ANKRD31: variants seen among roughly 807,000 people sequenced by gnomAD.
The protein encoded by ANKRD31 is ankyrin repeat domain-containing protein 31.
A neutral mutation model predicts 186.0 loss-of-function variants in ANKRD31; 147 were observed. That is an observed-to-expected ratio of 0.79 (90% confidence interval 0.69 to 0.91). ANKRD31 has a LOEUF of 0.91. Ranked by LOEUF, ANKRD31 falls within the 40% of genes least tolerant of loss-of-function variation. ANKRD31 has a pLI of 0.00. For missense variants in ANKRD31, 1,986 were observed against 2,148.8 expected, an observed-to-expected ratio of 0.92 and a Z score of 1.50; for synonymous variants, 673 against 736.4, an observed-to-expected ratio of 0.91 and a Z score of 1.39.
intron 1 of ANKRD31, among the ~76,000 whole-genome samples, chr5:75,235,621 CTT>C (rs888145876): frequency 6.6e-6 from 1 of 152,186 alleles, no homozygotes; most frequent in African/African-American, 2.4e-5. Context: ...CTTTATGTTG[CTT>C]TCTCTCTCAC....
At chr5:75,179,932 G>T (rs1401825724) in intron 10 of ANKRD31, among the ~76,000 whole-genome samples, 1 of 152,148 alleles carries the variant, frequency 6.6e-6, no homozygotes, top group Non-Finnish European at 1.5e-5. Context: ...AGGAAAAGAA[G>T]AAGTCAAATT....
At chr5:75,151,353 G>C (rs936341342) in intron 12 of ANKRD31, among the ~76,000 whole-genome samples, 1 of 151,928 alleles carries the variant, frequency 6.6e-6, no homozygotes, top group African/African-American at 2.4e-5. Context: ...ATCTTGAATT[G>C]TATCTCCCAT....
chr5:75,211,835 T>A (rs967523398), intron 3 of ANKRD31, among the ~76,000 whole-genome samples: 1 of 152,144 alleles, frequency 6.6e-6, no homozygotes, highest in Admixed American at 6.5e-5. Context: ...TTTAATTCAG[T>A]TGTTTTTTTT....
intron 15 of ANKRD31, among the ~76,000 whole-genome samples, chr5:75,142,590 T>G (rs1238641209): frequency 6.6e-6 from 1 of 152,166 alleles, no homozygotes; most frequent in Non-Finnish European, 1.5e-5. Flanking sequence ...TAGTTTACTT[T>G]GATATCTTTC....
chr5:75,137,379 T>C (rs999143949), intron 17 of ANKRD31, among the ~76,000 whole-genome samples: 2 of 152,122 alleles, frequency 1.3e-5, no homozygotes, highest in Non-Finnish European at 1.5e-5. Context: ...TAATCTTTTC[T>C]TGTGATATTT....
rs951448696 is a variant in ANKRD31, at chr5:75,236,572, A to C, written c.104+11T>G. ...CGAGGGTTCAGGCACTGTGGCCCTA[A>C]TGATGGTCACCTTCTCCAGGGCAGC... On this transcript the variant is annotated intron_variant, in intron 1 of 25. Transcript: ENST00000506364. 1 of 1,536,066 alleles carries C rather than the reference A, an allele frequency of 6.5e-7. No homozygotes were observed. Among genetic ancestry groups the C allele is most frequent in the Non-Finnish European group, 8.7e-7 (1 of 1,146,304 alleles).
rs1274069739 is a variant in ANKRD31 at position 75,110,640 on chromosome 5, C to T, written c.4243+1873G>A. Among the ~76,000 whole-genome samples, 6 of 150,104 alleles carry T rather than the reference C, an allele frequency of 4.0e-5. No homozygotes were observed. In the East Asian group the frequency reaches 8.0e-4, roughly 20 times the overall value. ...AGAAGAATGGCTTGAACCTGGGAGG[C>T]GGAGGTTCCAGTGAGCTGAGATCAC... is the stretch of plus-strand genomic sequence containing the variant. On this transcript the variant is annotated intron_variant, in intron 20 of 25. Transcript: ENST00000506364.
chr5:75,177,134 C>T (rs555973297), intron 10 of ANKRD31, among the ~76,000 whole-genome samples: 3 of 151,768 alleles, frequency 2.0e-5, no homozygotes, highest in South Asian at 2.1e-4. Flanking sequence ...AGGGTATCAG[C>T]GATGGAAGAC....
At chr5:75,163,782 T>A (rs1752734842) in intron 11 of ANKRD31, among the ~76,000 whole-genome samples, 2 of 152,238 alleles carry the variant, frequency 1.3e-5, no homozygotes, top group African/African-American at 4.8e-5. Context: ...GGGCAAGCTT[T>A]AAGTAGAAGT....
At chr5:75,132,989 C>T (rs944858381) in intron 17 of ANKRD31, among the ~76,000 whole-genome samples, 1 of 152,164 alleles carries the variant, frequency 6.6e-6, no homozygotes, top group African/African-American at 2.4e-5. Context: ...ATCAGGCCTG[C>T]CTTACAAGAG....
At chr5:75,076,621 T>G (rs1182238983) in intron 25 of ANKRD31, among the ~76,000 whole-genome samples, 1 of 152,178 alleles carries the variant, frequency 6.6e-6, no homozygotes, top group Non-Finnish European at 1.5e-5. Flanking sequence ...TAACTGGTGA[T>G]TAACTAAATC....
chr5:75,163,090 C>T (rs1833722), intron 11 of ANKRD31, among the ~76,000 whole-genome samples: 16,160 of 151,964 alleles, frequency 0.11, 882 homozygotes, highest in East Asian at 0.14. Flanking sequence ...AAACTACTAA[C>T]GATGTTTATT....
chr5:75,134,610 T>C, intron 17 of ANKRD31, among the ~76,000 whole-genome samples: 1 of 152,148 alleles, frequency 6.6e-6, no homozygotes, highest in Non-Finnish European at 1.5e-5. Context: ...TACCATTCCT[T>C]CTGAAACTAT....
At chr5:75,234,582 T>C (rs1388054576) in intron 1 of ANKRD31, among the ~76,000 whole-genome samples, 1 of 152,254 alleles carries the variant, frequency 6.6e-6, no homozygotes, top group East Asian at 1.9e-4. Context: ...TCCCCTCAAA[T>C]ATAAGCTTTC....
At chr5:75,145,923 A>G in intron 14 of ANKRD31, 64 bp downstream of exon 14, 1 of 1,308,958 alleles carries the variant, frequency 7.6e-7, no homozygotes, top group Non-Finnish European at 1.0e-6. Flanking sequence ...ATTCAGTTGG[A>G]AATTTCTATA....
chr5:75,217,603 G>C (rs1230821730), intron 3 of ANKRD31, among the ~76,000 whole-genome samples: 8 of 152,004 alleles, frequency 5.3e-5, no homozygotes, highest in Non-Finnish European at 8.8e-5. Context: ...TTTTCTATTT[G>C]CTTGGTGGAT....
chr5:75,156,660 G>C (rs1752201099), intron 11 of ANKRD31, among the ~76,000 whole-genome samples: 1 of 152,168 alleles, frequency 6.6e-6, no homozygotes, highest in African/African-American at 2.4e-5. Context: ...GCATCCTTAA[G>C]AAAGAGGCTG....
intron 10 of ANKRD31, among the ~76,000 whole-genome samples, chr5:75,181,836 TAACA>T (rs1229399796): frequency 1.3e-5 from 2 of 150,770 alleles, no homozygotes; most frequent in Non-Finnish European, 2.9e-5. Context: ...TATACATATG[TAACA>T]AACCTGCACA....
intron 25 of ANKRD31, among the ~76,000 whole-genome samples, chr5:75,071,728 C>T (rs1292414716): frequency 2.0e-5 from 3 of 151,960 alleles, no homozygotes; most frequent in African/African-American, 7.3e-5. Context: ...GAACTCCTGA[C>T]CTCAGGTGAT....
Sources: allele counts gnomAD v4.1 joint callset (sites outside exome capture counted in the v4.1 genomes callset), GRCh38; gene constraint gnomAD v4.1.1; transcripts MANE v1.5; gene names NCBI Gene and HGNC (gene_info 2026-07-23, HGNC 2026-07-21).